TMEM131L: variants seen among roughly 807,000 people sequenced by gnomAD.
TMEM131L encodes transmembrane 131 like.
TMEM131L carries 54 observed loss-of-function variants against 192.2 expected under a neutral mutation model. The observed-to-expected ratio is 0.28, with a 90% confidence interval of 0.23 to 0.35. The LOEUF (loss-of-function observed/expected upper bound fraction) is 0.35, where lower values mean the gene tolerates loss of function less well. Ranked by LOEUF, TMEM131L falls within the 10% of genes least tolerant of loss-of-function variation. The pLI, the probability that TMEM131L is intolerant of heterozygous loss-of-function variation, is 1.00. For synonymous variants in TMEM131L, 701 were observed against 704.9 expected (o/e 0.99, Z 0.09); for missense variants, 1,888 against 1,972.9 (o/e 0.96, Z 0.82).
intron 6 of TMEM131L, 134 bp from the exon 7 acceptor site, chr4:153,558,123 TA>T: frequency 2.1e-6 from 1 of 484,524 alleles, no homozygotes; most frequent in Non-Finnish European, 3.8e-6. Flanking sequence ...CAAAGATAAA[TA>T]AAATAATTGG....
At chr4:153,579,398 G>A (rs1730183321) in intron 7 of TMEM131L, among the ~76,000 whole-genome samples, 1 of 152,102 alleles carries the variant, frequency 6.6e-6, no homozygotes, top group Non-Finnish European at 1.5e-5. Flanking sequence ...TTCTATTTAA[G>A]AATACTAGCA....
chr4:153,513,465 A>G (rs981902661), intron 3 of TMEM131L, among the ~76,000 whole-genome samples: 44 of 152,164 alleles, frequency 2.9e-4, no homozygotes, highest in Non-Finnish European at 5.9e-5. Context: ...ATTTTTGAGC[A>G]CTTTAGGTAT....
At chr4:153,477,771 C>T (rs1731652555) in intron 3 of TMEM131L, among the ~76,000 whole-genome samples, 1 of 152,022 alleles carries the variant, frequency 6.6e-6, no homozygotes, top group Admixed American at 6.5e-5. Context: ...ATTGCATTTT[C>T]TTTTATCACC....
chr4:153,612,189 A>G (rs1444950244), intron 25 of TMEM131L, 63 bp from the exon 26 acceptor site: 5 of 1,247,654 alleles, frequency 4.0e-6, no homozygotes, highest in Non-Finnish European at 5.5e-6. Context: ...GGTGTAGGAA[A>G]GAAGATGGGG....
chr4:153,478,320 AC>A, intron 3 of TMEM131L, among the ~76,000 whole-genome samples: 1 of 152,248 alleles, frequency 6.6e-6, no homozygotes, highest in Non-Finnish European at 1.5e-5. Flanking sequence ...CTACGTACTT[AC>A]TATTCATTTA....
chr4:153,561,152 T>C (rs1728822769), intron 7 of TMEM131L, among the ~76,000 whole-genome samples: 1 of 152,246 alleles, frequency 6.6e-6, no homozygotes, highest in Non-Finnish European at 1.5e-5. Flanking sequence ...GGAGCATCTT[T>C]TCATGTGCTC....
At position 153,602,157 on chromosome 4, in the gene TMEM131L, A is replaced by G. The variant is rs777824334; in HGVS notation, c.2272A>G (p.Lys758Glu). 2.5e-6 allele frequency: 4 copies of G among 1,578,180 alleles called. No individual in the cohort carries two copies. In the South Asian group the frequency reaches 4.6e-5, roughly 18 times the overall value. ...CTTTTTTTGGTTCCCATTAGAACTGAAAGACAGTAAGCAAATTTTATCTAT... is the reference window on the plus strand; with the variant it reads ...CTTTTTTTGGTTCCCATTAGAACTGGAAGACAGTAAGCAAATTTTATCTAT... ...STLMDCRRQL[K>E]DSKQILSITK... The change falls in exon 22 of 35, where the codon AAA becomes GAA. Residue 758 changes from lysine to glutamate, a missense_variant. Transcript: ENST00000409959.
intron 4 of TMEM131L, among the ~76,000 whole-genome samples, chr4:153,552,176 G>A (rs1041225654): frequency 1.4e-4 from 22 of 152,038 alleles, no homozygotes; most frequent in African/African-American, 4.6e-4. Flanking sequence ...TCATGCCACC[G>A]AGTTCTAGCC....
At chr4:153,535,415 G>A (rs565185561) in intron 3 of TMEM131L, among the ~76,000 whole-genome samples, 3 of 152,214 alleles carry the variant, frequency 2.0e-5, no homozygotes, top group East Asian at 1.9e-4. Flanking sequence ...CAGCCTTCAC[G>A]TTGGATCAGA....
chr4:153,586,113 C>T lies in TMEM131L; in HGVS notation c.1312-96C>T, dbSNP rs1276950586. ...AAATAACTGAGTAAAATCATACTTT[C>T]TGAAGTATAGAAGAATGTTAGCATC... On this transcript the variant is annotated intron_variant, in intron 13 of 34. Transcript: ENST00000409959. The T allele has an allele frequency of 1.5e-5, 13 of 882,616 alleles. No homozygotes were observed. In the South Asian group the frequency reaches 3.1e-4, roughly 21 times the overall value. The allele number at this position is 882,616 out of a possible 1,614,324, so 54.7% of individuals were successfully genotyped here. A position where few individuals can be genotyped will look rare whatever the true frequency, so the allele number is the denominator to read the frequency against.
chr4:153,539,761 G>A (rs1324038800), intron 3 of TMEM131L, among the ~76,000 whole-genome samples: 1 of 151,632 alleles, frequency 6.6e-6, no homozygotes, highest in African/African-American at 2.4e-5. Flanking sequence ...AACATTCTTT[G>A]TATTTGTCTG....
At chr4:153,472,077 T>C (rs1731197314) in intron 2 of TMEM131L, among the ~76,000 whole-genome samples, 1 of 150,972 alleles carries the variant, frequency 6.6e-6, no homozygotes. Flanking sequence ...CCATCAACAT[T>C]AAAAAAAAAT....
In TMEM131L at chr4:153,593,540, C is replaced by T. The variant is rs182776022; in HGVS notation, c.1923-259C>T. ...CTGTCACCATATGCTTCCTTACATCCTGTGATGCCAAAGTCATTCATTTAG... is the reference window on the plus strand; with the variant it reads ...CTGTCACCATATGCTTCCTTACATCTTGTGATGCCAAAGTCATTCATTTAG... On this transcript the variant is annotated intron_variant, in intron 18 of 34. Transcript: ENST00000409959. Among the ~76,000 whole-genome samples the T allele has an allele frequency of 2.0e-5, 3 of 152,194 alleles. No individual in the cohort carries two copies. In the East Asian group the frequency reaches 5.8e-4, roughly 29 times the overall value.
chr4:153,557,550 C>T (rs1728557297), intron 6 of TMEM131L, among the ~76,000 whole-genome samples: 1 of 152,066 alleles, frequency 6.6e-6, no homozygotes. Context: ...TATCAAGGTA[C>T]CAGGAAGGGA....
chr4:153,474,402 A>G (rs564448440), intron 3 of TMEM131L, among the ~76,000 whole-genome samples: 8 of 152,366 alleles, frequency 5.3e-5, no homozygotes, highest in Admixed American at 2.0e-4. Flanking sequence ...CAGCAGCGGG[A>G]ACAGTGCTTT....
intron 7 of TMEM131L, among the ~76,000 whole-genome samples, chr4:153,570,710 C>T (rs748461925): frequency 9.2e-5 from 14 of 152,170 alleles, no homozygotes; most frequent in Admixed American, 2.0e-4. Flanking sequence ...TGGGCAGTGA[C>T]GTTGAGATCT....
intron 20 of TMEM131L, 97 bp downstream of exon 20, chr4:153,596,482 C>A: frequency 6.9e-7 from 1 of 1,444,340 alleles, no homozygotes; most frequent in South Asian, 1.2e-5. Flanking sequence ...TCAGTCAGAC[C>A]TTCAGGATGA....
intron 3 of TMEM131L, among the ~76,000 whole-genome samples, chr4:153,497,191 C>T (rs1049074011): frequency 6.6e-6 from 1 of 152,106 alleles, no homozygotes; most frequent in Non-Finnish European, 1.5e-5. Flanking sequence ...TTTTTGAGGA[C>T]TTTGGGGAAA....
intron 3 of TMEM131L, among the ~76,000 whole-genome samples, chr4:153,522,550 G>C (rs1004927948): frequency 6.6e-6 from 1 of 152,096 alleles, no homozygotes; most frequent in Non-Finnish European, 1.5e-5. Context: ...TGCTATTTCT[G>C]CCAGAACGCT....
Sources: gnomAD v4.1 joint callset for allele counts (sites outside exome capture counted in the v4.1 genomes callset) on GRCh38, gnomAD v4.1.1 for gene constraint, MANE v1.5 for transcripts, NCBI Gene and HGNC (gene_info 2026-07-23, HGNC 2026-07-21) for gene names.